Variants in ALMS1 observed in about 807,000 individuals in gnomAD.
The protein encoded by ALMS1 is ALMS1 centrosome and basal body associated protein.
In ALMS1, 271 loss-of-function variants were observed where a neutral mutation model predicts 352.2. The observed-to-expected ratio is 0.77, with a 90% CI of 0.70 to 0.85. ALMS1 has a LOEUF of 0.85. ALMS1 is among the 40% of genes least tolerant of loss of function. The pLI, the probability that ALMS1 is intolerant of heterozygous loss-of-function variation, is 0.00. For missense variants in ALMS1, 5,445 were observed against 4,870.7 expected (o/e 1.12, Z -3.51); for synonymous variants, 1,865 against 1,761.2 (o/e 1.06, Z -1.48).
chr2:73,568,124 C>T (rs2104091609), intron 15 of ALMS1, among the ~76,000 whole-genome samples: 1 of 152,282 alleles, frequency 6.6e-6, no homozygotes, highest in East Asian at 1.9e-4. Context: ...AAATACTTAA[C>T]TGTCTTAATA....
intron 12 of ALMS1, among the ~76,000 whole-genome samples, chr2:73,538,257 A>T (rs540989479): frequency 2.4e-4 from 36 of 152,294 alleles, no homozygotes; most frequent in African/African-American, 8.4e-4. Flanking sequence ...TCTGATGGAC[A>T]TTTCTCCAAG....
chr2:73,483,412 G>C (rs915141871), intron 9 of ALMS1, among the ~76,000 whole-genome samples: 2 of 151,788 alleles, frequency 1.3e-5, no homozygotes, highest in Non-Finnish European at 2.9e-5. Context: ...TTGAGTTCTA[G>C]TTTGATTGCA....
rs566456634 is a variant in ALMS1 at position 73,464,374 on chromosome 2, G to A, written c.7674+9079G>A. ...TGATTATCTCAATAGATGCAGAAAA[G>A]GCCTTTGACAAAATTCAACAACCCT... On this transcript the variant is annotated intron_variant, in intron 9 of 22. Transcript: ENST00000613296. Among the ~76,000 whole-genome samples the A allele has an allele frequency of 9.9e-5, 15 of 152,232 alleles. No individual in the cohort carries two copies. The South Asian group carries it at 1.5e-3, about 15-fold the overall frequency.
intron 10 of ALMS1, among the ~76,000 whole-genome samples, chr2:73,501,116 C>G (rs1425843627): frequency 9.9e-5 from 15 of 152,090 alleles, no homozygotes. Flanking sequence ...TTTTCTGTGT[C>G]TCTTGCCCAT....
At position 73,448,846 on chromosome 2, in the gene ALMS1, G is replaced by A. The variant is rs28730851; in HGVS notation, c.2319G>A (p.Leu773=). 2.7e-3 allele frequency: 4,424 copies of A among 1,613,504 alleles called. 113 individuals are homozygous for A. The African/African-American group carries it at 0.051, about 19-fold the overall frequency. Residue 773 remains leucine (L), a synonymous_variant, in exon 8 of 23, where the codon TTG becomes TTA. Coordinates refer to ENST00000613296, the MANE Select transcript of ALMS1 (RefSeq NM_001378454.1). The part of the protein sequence containing the change: ...SYSQREKPSI[L]YPQDLADSHL... ...CACAAAGAGAAAAGCCTAGTATTTT[G>A]TACCCACAGGACTTAGCAGACAGTC... is the stretch of plus-strand genomic sequence containing the variant.
Position 73,579,063 on chromosome 2 carries a change from C to CT in ALMS1, c.11547+5646dup, listed in dbSNP as rs372240184. ...GAATGTCTTTAATTTCTCCTTTATT[C>CT]TTTTTTTATTTATTTTTTTTTTTGA... On this transcript the variant is annotated intron_variant, in intron 16 of 22. Coordinates refer to ENST00000613296, the MANE Select transcript of ALMS1 (RefSeq NM_001378454.1). Among the ~76,000 whole-genome samples, 62 of 119,120 alleles carry CT rather than the reference C, an allele frequency of 5.2e-4. 5 individuals carry two copies. Among genetic ancestry groups the CT allele is most frequent in the Admixed American group, 3.2e-3 (38 of 11,912 alleles). 78.1% of individuals were successfully genotyped at this position (119,120 alleles called of 152,430 possible). A position where few individuals can be genotyped will look rare whatever the true frequency, so the allele number is the denominator to read the frequency against.
At chr2:73,398,358 T>C (rs986312587) in intron 1 of ALMS1, among the ~76,000 whole-genome samples, 4 of 152,250 alleles carry the variant, frequency 2.6e-5, no homozygotes, top group Non-Finnish European at 4.4e-5. Context: ...ATTTCGTTGA[T>C]ACATGCTGTC....
chr2:73,531,589 A>C (rs1673914058), intron 11 of ALMS1, among the ~76,000 whole-genome samples: 1 of 152,172 alleles, frequency 6.6e-6, no homozygotes, highest in Admixed American at 6.5e-5. Context: ...TCTGCCTGTT[A>C]CCCAGTTCCC....
chr2:73,392,512 C>T (rs1032025098), intron 1 of ALMS1, among the ~76,000 whole-genome samples: 1 of 152,050 alleles, frequency 6.6e-6, no homozygotes, highest in East Asian at 1.9e-4. Flanking sequence ...GCTGATATCC[C>T]CCGTCTTCCA....
chr2:73,523,721 C>G (rs1052306685), intron 11 of ALMS1, among the ~76,000 whole-genome samples: 6 of 151,874 alleles, frequency 4.0e-5, no homozygotes, highest in African/African-American at 1.5e-4. Flanking sequence ...AAGCAGAGAT[C>G]GTGCCAGTGC....
chr2:73,512,246 A>G (rs892738803), intron 10 of ALMS1, among the ~76,000 whole-genome samples: 4 of 151,866 alleles, frequency 2.6e-5, no homozygotes, highest in Admixed American at 2.0e-4. Context: ...CACCACGCCT[A>G]GCTAATTTTT....
rs1028713640 is a variant in ALMS1, at chr2:73,464,093, T to G, written c.7674+8798T>G. On this transcript the variant is annotated intron_variant, in intron 9 of 22. Transcript: ENST00000613296. ...AGAGGGAATCCTCCCTAACTCATTT[T>G]ATGAGGCCAGCATCATTCTGATACC... Among the ~76,000 whole-genome samples, 10 of 152,350 alleles carry G rather than the reference T, an allele frequency of 6.6e-5. No homozygotes were observed. In the East Asian group the frequency reaches 1.5e-3, roughly 23 times the overall value.
chr2:73,492,866 T>C (rs765761062), intron 10 of ALMS1, among the ~76,000 whole-genome samples: 3 of 152,024 alleles, frequency 2.0e-5, no homozygotes, highest in Non-Finnish European at 4.4e-5. Flanking sequence ...GCCACCTGAA[T>C]AGCTGGGACC....
intron 7 of ALMS1, among the ~76,000 whole-genome samples, chr2:73,439,085 C>T (rs1292438663): frequency 1.2e-4 from 15 of 124,610 alleles, no homozygotes; most frequent in African/African-American, 1.8e-4. Flanking sequence ...CTTTTTTCTT[C>T]TTTCTTCTTT....
Position 73,424,580 on chromosome 2 carries a change from T to C in ALMS1, c.915T>C (p.Ala305=), listed in dbSNP as rs1558639206. 6.2e-7 allele frequency: 1 copy of C among 1,614,010 alleles called. No individual in the cohort carries two copies. Among genetic ancestry groups the C allele is most frequent in the Non-Finnish European group, 8.5e-7 (1 of 1,179,998 alleles). Residue 305 remains alanine (A), a synonymous_variant, in exon 5 of 23, where the codon GCT becomes GCC. Coordinates refer to ENST00000613296, the MANE Select transcript of ALMS1 (RefSeq NM_001378454.1). ...AGCACCCGCTTATAGGCAGCACAGC[T>C]GTTGGGTCTCAGTGCCCTTTTTTAC... ...VSQHPLIGST[A]VGSQCPFLPS...
chr2:73,395,694 C>T (rs1004646387), intron 1 of ALMS1, among the ~76,000 whole-genome samples: 5 of 151,956 alleles, frequency 3.3e-5, no homozygotes, highest in African/African-American at 1.2e-4. Context: ...TTTGTGGGTT[C>T]TCTATGATTT....
chr2:73,439,904 C>A (rs1245160375), intron 7 of ALMS1, among the ~76,000 whole-genome samples: 2 of 152,062 alleles, frequency 1.3e-5, no homozygotes, highest in Non-Finnish European at 2.9e-5. Flanking sequence ...TTTATTTTCA[C>A]TTTATTCCTG....
chr2:73,573,664 A>C, intron 16 of ALMS1: 1 of 626,374 alleles, frequency 1.6e-6, no homozygotes, highest in Non-Finnish European at 2.8e-6. Flanking sequence ...GATCCTTCAC[A>C]GTCTGCAAAG....
chr2:73,602,023 C>G (rs1288474491), intron 19 of ALMS1, among the ~76,000 whole-genome samples, 162 bp from the exon 20 acceptor site: 3 of 152,188 alleles, frequency 2.0e-5, no homozygotes, highest in African/African-American at 4.8e-5. Flanking sequence ...AGCTCTCCCC[C>G]ATAGAGAGAT....
Sources: gnomAD v4.1 joint callset for allele counts (sites outside exome capture counted in the v4.1 genomes callset) on GRCh38, gnomAD v4.1.1 for gene constraint, MANE v1.5 for transcripts, NCBI Gene and HGNC (gene_info 2026-07-23, HGNC 2026-07-21) for gene names.